CTSE: variants seen among roughly 807,000 people sequenced by gnomAD.
CTSE encodes the protein cathepsin E.
A neutral mutation model predicts 42.8 loss-of-function variants in CTSE; 43 were observed. That is an observed-to-expected ratio of 1.01 (90% confidence interval 0.79 to 1.30). CTSE has a LOEUF of 1.30. Ranked by LOEUF, CTSE falls within the 50% of genes most tolerant of loss-of-function variation. The pLI, the probability that CTSE is intolerant of heterozygous loss-of-function variation, is 0.00. For synonymous variants in CTSE, 205 were observed against 191.5 expected (o/e 1.07, Z -0.58); for missense variants, 532 against 493.5 (o/e 1.08, Z -0.74).
At chr1:206,023,572 G>A in intron 1 of CTSE, 152 bp downstream of exon 1, 1 of 670,536 alleles carries the variant, frequency 1.5e-6, no homozygotes. Flanking sequence ...CCATACACAG[G>A]CGGTCACTGG....
chr1:206,012,928 T>C (rs1318193486), intron 6 of CTSE, among the ~76,000 whole-genome samples: 1 of 152,074 alleles, frequency 6.6e-6, no homozygotes, highest in African/African-American at 2.4e-5. Flanking sequence ...TCTCTTGACC[T>C]TGTGATCCAC....
rs144865872 is a variant in CTSE, at chr1:206,016,677, A to G, written c.463-547T>C. Among the ~76,000 whole-genome samples the G allele has an allele frequency of 1.9e-4, 29 of 152,244 alleles. No homozygotes were observed. The East Asian group carries it at 2.1e-3, about 11-fold the overall frequency. On this transcript the variant is annotated intron_variant, in intron 4 of 8. Coordinates refer to ENST00000358184, the MANE Select transcript of CTSE (RefSeq NM_001910.4). ...CTGGATATTCATATGACCTGGCACT[A>G]TTTAATAAATATACCATCATTTCCT...
intron 4 of CTSE, among the ~76,000 whole-genome samples, chr1:206,020,141 A>C (rs1553278164): frequency 6.8e-6 from 1 of 147,496 alleles, no homozygotes; most frequent in African/African-American, 2.5e-5. Flanking sequence ...TATATATACA[A>C]ATATACTGTA....
chr1:206,012,605 T>A lies in CTSE; in HGVS notation c.830A>T (p.Gln277Leu). The A allele has an allele frequency of 6.2e-7, 1 of 1,613,992 alleles. No individual in the cohort carries two copies. Among genetic ancestry groups the A allele is most frequent in the Non-Finnish European group, 8.5e-7 (1 of 1,179,926 alleles). ...GGAAGTCCCTGTGTCCACAATGGCC[T>A]GGCAGCCCTCGGAGCAGAACATAAC... ...GTVMFCSEGC[Q>L]AIVDTGTSLI... Residue 277 changes from glutamine (Q) to leucine (L), a missense_variant, in exon 7 of 9, where the codon CAG (glutamine) becomes CTG (leucine). By Grantham distance (113) the Gln-to-Leu change is moderately radical (BLOSUM62 -2). Coordinates refer to ENST00000358184, the MANE Select transcript of CTSE (RefSeq NM_001910.4).
rs782081424 is a variant in CTSE, at chr1:206,010,211, C to T, written c.1163G>A (p.Arg388His). 63 of 1,613,608 alleles carry T rather than the reference C, an allele frequency of 3.9e-5. No homozygotes were observed. Among genetic ancestry groups the T allele is most frequent in the East Asian group, 2.9e-4 (13 of 44,888 alleles). Residue 388 changes from arginine to histidine, a missense_variant, in exon 9 of 9, where the codon CGT becomes CAT. Arg to His is a conservative substitution (Grantham distance 29). Coordinates refer to ENST00000358184, the MANE Select transcript of CTSE (RefSeq NM_001910.4). ...FYSVFDRGNNRVGLAPAVP is the reference protein window; with the variant it reads ...FYSVFDRGNNHVGLAPAVP ...GGGGACTGCTGGGGCCAGTCCCACA[C>T]GGTTATTCCCACGGTCAAAGACTGA... is the stretch of plus-strand genomic sequence containing the variant.
chr1:206,018,396 T>C (rs28813105), intron 4 of CTSE, among the ~76,000 whole-genome samples: 10,591 of 152,046 alleles, frequency 0.07, 1,184 homozygotes, highest in African/African-American at 0.23. Context: ...TCTTTTGTTA[T>C]AATGTCCTTT....
chr1:206,019,778 G>T (rs114377062), intron 4 of CTSE, among the ~76,000 whole-genome samples: 17,100 of 142,698 alleles, frequency 0.12, 1,331 homozygotes, highest in East Asian at 0.18. Context: ...CATATATATT[G>T]TGTTAATCTA....
chr1:206,010,171 C>T lies in CTSE; in HGVS notation c.*12G>A. 6.2e-7 allele frequency: 1 copy of T among 1,613,634 alleles called. No individual in the cohort carries two copies. On this transcript the variant is annotated 3_prime_UTR_variant, in exon 9 of 9. Transcript: ENST00000358184. The stretch of plus-strand genomic sequence containing the variant: ...TCTGTCAGACAGGCAGGCACAGACA[C>T]AAGGCCCCTCCTTAGGGGACTGCTG...
intron 3 of CTSE, 139 bp downstream of exon 3, chr1:206,022,009 ACT>A: frequency 1.7e-6 from 1 of 579,114 alleles, no homozygotes; most frequent in Non-Finnish European, 3.0e-6. Flanking sequence ...TCCACGGCTG[ACT>A]CAAAGATGGA....
intron 3 of CTSE, 58 bp from the exon 4 acceptor site, chr1:206,021,225 C>A (rs1661410525): frequency 7.6e-7 from 1 of 1,319,428 alleles, no homozygotes; most frequent in South Asian, 1.2e-5. Context: ...GCATCCCTGC[C>A]CTAATGCCAC....
At chr1:206,023,508 A>G (rs1661513522) in intron 1 of CTSE, among the ~76,000 whole-genome samples, 1 of 151,732 alleles carries the variant, frequency 6.6e-6, no homozygotes, top group South Asian at 2.1e-4. Flanking sequence ...TTGGGAAGGC[A>G]CCTCCGTGGA....
At position 206,016,085 on chromosome 1, in the gene CTSE, T is replaced by A; in HGVS notation, c.508A>T (p.Thr170Ser). Reference sequence around the variant, plus strand: ...TCCACAAAGGTCTGGCCTGGCTCTGTGACACTTTCTCCAAACTGCTGGCCA... The same window carrying A: ...TCCACAAAGGTCTGGCCTGGCTCTGAGACACTTTCTCCAAACTGCTGGCCA... Reference protein sequence around the residue: ...VVGQQFGESVTEPGQTFVDAE... With the variant: ...VVGQQFGESVSEPGQTFVDAE... Residue 170 changes from threonine (T) to serine (S), a missense_variant, in exon 5 of 9, where the codon ACA (threonine) becomes TCA (serine). Coordinates refer to ENST00000358184, the MANE Select transcript of CTSE (RefSeq NM_001910.4). The A allele has an allele frequency of 6.2e-7, 1 of 1,613,988 alleles. No individual in the cohort carries two copies. The highest frequency in any genetic ancestry group is 8.5e-7 in the Non-Finnish European group (1 of 1,179,924).
At chr1:206,020,866 C>A (rs1553278260) in intron 4 of CTSE, among the ~76,000 whole-genome samples, 183 bp downstream of exon 4, 1 of 152,044 alleles carries the variant, frequency 6.6e-6, no homozygotes, top group Non-Finnish European at 1.5e-5. Flanking sequence ...CAGGGCCCAG[C>A]GTGCTGTGGA....
Position 206,009,928 on chromosome 1 carries a change from CAATACAA to C in CTSE, c.*248_*254del, listed in dbSNP as rs1345738230. On this transcript the variant is annotated 3_prime_UTR_variant, in exon 9 of 9. Coordinates refer to ENST00000358184, the MANE Select transcript of CTSE (RefSeq NM_001910.4). Reference sequence around the variant, plus strand: ...ATTTTTGATTTTCATAATCAAAAATCAATACAAAATATGAATGTATAACGTAATTCCT... The same window carrying C: ...ATTTTTGATTTTCATAATCAAAAATCAATATGAATGTATAACGTAATTCCT... 8.7e-5 allele frequency: 40 copies of C among 458,548 alleles called. No individual in the cohort carries two copies. Among genetic ancestry groups the C allele is most frequent in the Non-Finnish European group, 1.3e-4 (34 of 256,570 alleles). The allele number at this position is 458,548 out of a possible 1,614,324, so 28.4% of individuals were successfully genotyped here.
intron 5 of CTSE, among the ~76,000 whole-genome samples, chr1:206,015,434 A>G (rs1009873321): frequency 6.6e-6 from 1 of 152,072 alleles, no homozygotes; most frequent in Non-Finnish European, 1.5e-5. Flanking sequence ...TATGTCCTCA[A>G]GTTTCTTCTA....
At chr1:206,016,338 C>A (rs114279151) in intron 4 of CTSE, among the ~76,000 whole-genome samples, 1 of 152,044 alleles carries the variant, frequency 6.6e-6, no homozygotes, top group Admixed American at 6.6e-5. Flanking sequence ...CCAATCATTG[C>A]GCCCCTCCTC....
Position 206,012,299 on chromosome 1 carries a change from A to C in CTSE, c.1026+9T>G. 6.2e-7 allele frequency: 1 copy of C among 1,608,970 alleles called. No homozygotes were observed. Among genetic ancestry groups the C allele is most frequent in the Non-Finnish European group, 8.5e-7 (1 of 1,175,660 alleles). On this transcript the variant is annotated intron_variant, in intron 8 of 8. Transcript: ENST00000358184. ...CCTGTGGCCTGCAGAATAAGGAAAC[A>C]GTTCTTACCAGTAGGGTGTAGGCAG...
chr1:206,015,157 T>C (rs1661228356), intron 5 of CTSE, among the ~76,000 whole-genome samples: 1 of 152,146 alleles, frequency 6.6e-6, no homozygotes, highest in Non-Finnish European at 1.5e-5. Flanking sequence ...ACATAAAATG[T>C]ACTATCTTAC....
intron 4 of CTSE, among the ~76,000 whole-genome samples, chr1:206,020,349 TTGA>T (rs1661382305): frequency 6.6e-6 from 1 of 152,024 alleles, no homozygotes; most frequent in African/African-American, 2.4e-5. Flanking sequence ...CTAAGGGATG[TTGA>T]TGAAGGCTGT....
Sources: gnomAD v4.1 joint callset for allele counts (sites outside exome capture counted in the v4.1 genomes callset) on GRCh38, gnomAD v4.1.1 for gene constraint, MANE v1.5 for transcripts, NCBI Gene and HGNC (gene_info 2026-07-23, HGNC 2026-07-21) for gene names.